SV2C: variants seen among roughly 807,000 people sequenced by gnomAD.
SV2C encodes solute carrier family 22 member B3.
Under a neutral mutation model 79.7 loss-of-function variants are expected in SV2C, and 49 were observed. That is an observed-to-expected ratio of 0.61 (90% CI 0.49 to 0.78). The LOEUF (loss-of-function observed/expected upper bound fraction) is 0.78, where lower values mean the gene tolerates loss of function less well. Among genes scored for constraint, SV2C ranks in the 30% least tolerant of loss-of-function variants. SV2C has a pLI of 0.00. For missense variants in SV2C, 833 were observed against 912.9 expected (o/e 0.91, Z 1.13); for synonymous variants, 334 against 333.2 (o/e 1.00, Z -0.03).
At chr5:75,922,961 T>G in the SV2C span, among the ~76,000 whole-genome samples, 1 of 152,064 alleles carries the variant, frequency 6.6e-6, no homozygotes, top group African/African-American at 2.4e-5. Context: ...ACAAAATATT[T>G]TATCCCCATT....
intron 4 of SV2C, among the ~76,000 whole-genome samples, chr5:76,229,984 G>A (rs1435621327): frequency 2.6e-5 from 4 of 152,216 alleles, no homozygotes; most frequent in African/African-American, 4.8e-5. Flanking sequence ...TGTAAGTCAT[G>A]AGTAAGGATG....
At chr5:76,094,588 T>C (rs1301911300) in intron 1 of SV2C, among the ~76,000 whole-genome samples, 1 of 152,144 alleles carries the variant, frequency 6.6e-6, no homozygotes, top group Non-Finnish European at 1.5e-5. Flanking sequence ...GTTTGAGTTG[T>C]TTCCACATTG....
At chr5:76,085,179 G>T (rs948815191) in intron 1 of SV2C, among the ~76,000 whole-genome samples, 1 of 152,196 alleles carries the variant, frequency 6.6e-6, no homozygotes, top group African/African-American at 2.4e-5. Context: ...CCTCGTGCTC[G>T]TGGGAAGTTT....
chr5:76,228,953 T>C (rs7443699), intron 4 of SV2C, among the ~76,000 whole-genome samples: 29,379 of 152,084 alleles, frequency 0.19, 4,269 homozygotes, highest in African/African-American at 0.41. Flanking sequence ...TTCCATTCCA[T>C]TGGGCTGACA....
At chr5:75,896,833 T>C in the SV2C span, among the ~76,000 whole-genome samples, 1 of 149,034 alleles carries the variant, frequency 6.7e-6, no homozygotes, top group East Asian at 1.9e-4. Flanking sequence ...GATGAGCATT[T>C]TTTCATGTGT....
intron 12 of SV2C, among the ~76,000 whole-genome samples, chr5:76,315,583 G>T (rs1318766529): frequency 6.6e-6 from 1 of 152,184 alleles, no homozygotes; most frequent in African/African-American, 2.4e-5. Context: ...TCTGGACAAG[G>T]AGATGTGCAA....
At chr5:75,909,756 C>T in the SV2C span, among the ~76,000 whole-genome samples, 1 of 152,106 alleles carries the variant, frequency 6.6e-6, no homozygotes, top group Non-Finnish European at 1.5e-5. Context: ...ACCAATTAAC[C>T]TATCTTTCAT....
downstream of SV2C, among the ~76,000 whole-genome samples, chr5:76,338,504 C>A (rs147770898): frequency 1.8e-3 from 278 of 152,330 alleles, 1 homozygote; most frequent in African/African-American, 6.4e-3. Context: ...TGCCCCACCC[C>A]TTTTGCTCTT....
intron 4 of SV2C, among the ~76,000 whole-genome samples, chr5:76,233,651 G>C (rs999650133): frequency 2.6e-5 from 4 of 151,208 alleles, no homozygotes; most frequent in South Asian, 2.1e-4. Context: ...TAGCATGAAG[G>C]GTTGTTGAAT....
intron 1 of SV2C, among the ~76,000 whole-genome samples, chr5:76,099,868 AGT>A (rs1250584054): frequency 6.6e-6 from 1 of 152,122 alleles, no homozygotes; most frequent in Non-Finnish European, 1.5e-5. Context: ...TGTCTCTGAG[AGT>A]GTATTTTTTA....
At chr5:75,992,121 A>T in the SV2C span, among the ~76,000 whole-genome samples, 1 of 151,952 alleles carries the variant, frequency 6.6e-6, no homozygotes, top group Non-Finnish European at 1.5e-5. Flanking sequence ...TGACATGTTT[A>T]TAATACGGAG....
the SV2C span, among the ~76,000 whole-genome samples, chr5:75,899,897 T>G: frequency 7.9e-5 from 12 of 152,272 alleles, no homozygotes; most frequent in African/African-American, 2.9e-4. Flanking sequence ...ACCCCTGCCT[T>G]TTTTTGTTTT....
At chr5:76,231,527 G>A (rs1194078234) in intron 4 of SV2C, among the ~76,000 whole-genome samples, 3 of 150,428 alleles carry the variant, frequency 2.0e-5, no homozygotes, top group South Asian at 2.1e-4. Context: ...ATGCTGGTGC[G>A]CCGCACCCAC....
At chr5:76,034,393 G>A in the SV2C span, among the ~76,000 whole-genome samples, 6 of 152,134 alleles carry the variant, frequency 3.9e-5, no homozygotes, top group African/African-American at 1.4e-4. Context: ...GTTTGTCATA[G>A]ATAGCTCTTA....
At chr5:76,008,009 G>A in the SV2C span, among the ~76,000 whole-genome samples, 1 of 152,234 alleles carries the variant, frequency 6.6e-6, no homozygotes, top group South Asian at 2.1e-4. Context: ...AACAGGTGCT[G>A]TCCTTTCCAT....
At chr5:76,126,974 G>A (rs927628041) in intron 1 of SV2C, among the ~76,000 whole-genome samples, 14 of 152,204 alleles carry the variant, frequency 9.2e-5, no homozygotes, top group African/African-American at 1.9e-4. Flanking sequence ...TCTGAAGTGC[G>A]TGGCACATGG....
At chr5:76,127,466 G>A (rs1407088087) in intron 1 of SV2C, among the ~76,000 whole-genome samples, 1 of 152,186 alleles carries the variant, frequency 6.6e-6, no homozygotes, top group Non-Finnish European at 1.5e-5. Context: ...CGCTGTGAAC[G>A]TTGTTTGGTT....
At chr5:75,919,396 C>A in the SV2C span, among the ~76,000 whole-genome samples, 1 of 152,166 alleles carries the variant, frequency 6.6e-6, no homozygotes, top group East Asian at 1.9e-4. Context: ...TGATGAGAAT[C>A]AAAATTGTCT....
At chr5:76,145,752 A>G (rs775350275) in intron 2 of SV2C, among the ~76,000 whole-genome samples, 1 of 152,126 alleles carries the variant, frequency 6.6e-6, no homozygotes, top group Non-Finnish European at 1.5e-5. Context: ...AATTAAACCA[A>G]ATCTACCCAA....
Sources: allele counts gnomAD v4.1 joint callset (sites outside exome capture counted in the v4.1 genomes callset), GRCh38; gene constraint gnomAD v4.1.1; transcripts MANE v1.5; gene names NCBI Gene and HGNC (gene_info 2026-07-23, HGNC 2026-07-21).